Variants in SLC8A1 observed in about 807,000 individuals in gnomAD.
SLC8A1 encodes the protein sodium/calcium exchanger 1.
In SLC8A1, 18 loss-of-function variants were observed where a neutral mutation model predicts 68.3. The ratio of observed to expected loss-of-function variants is 0.26; its 90% confidence interval spans 0.18 to 0.39. The LOEUF (loss-of-function observed/expected upper bound fraction) is 0.39, where lower values mean the gene tolerates loss of function less well. SLC8A1 is among the 10% of genes least tolerant of loss of function. The pLI is 1.00. For synonymous variants in SLC8A1, 475 were observed against 415.5 expected, an observed-to-expected ratio of 1.14 and a Z score of -1.74; for missense variants, 985 against 1,156.7, an observed-to-expected ratio of 0.85 and a Z score of 2.15.
chr2:40,451,736 A>ACCACAC (rs1559735616), intron 1 of SLC8A1, among the ~76,000 whole-genome samples, 168 bp downstream of exon 1: 16 of 46,500 alleles, frequency 3.4e-4, no homozygotes, highest in African/African-American at 1.2e-3. Flanking sequence ...CACACACCAC[A>ACCACAC]TCACACACAC....
intron 2 of SLC8A1, among the ~76,000 whole-genome samples, chr2:40,264,238 T>G (rs4952601): frequency 0.54 from 79,344 of 148,258 alleles, 22,701 homozygotes; most frequent in Non-Finnish European, 0.68. Flanking sequence ...AGGAACACTT[T>G]TACACTGTTG....
chr2:40,286,698 T>A (rs1399486749), intron 2 of SLC8A1, among the ~76,000 whole-genome samples: 1 of 152,184 alleles, frequency 6.6e-6, no homozygotes, highest in African/African-American at 2.4e-5. Context: ...TGGACAGCTA[T>A]ATTCACACAC....
intron 7 of SLC8A1, among the ~76,000 whole-genome samples, chr2:40,138,908 A>G (rs188430824): frequency 3.9e-5 from 6 of 152,310 alleles, no homozygotes; most frequent in Admixed American, 3.3e-4. Context: ...ATCAATGCCT[A>G]CTTTCTCTTT....
chr2:40,149,701 G>A (rs2043069717), intron 6 of SLC8A1, among the ~76,000 whole-genome samples: 1 of 152,136 alleles, frequency 6.6e-6, no homozygotes, highest in African/African-American at 2.4e-5. Context: ...TTGTAAATGG[G>A]TTCATGAGTA....
intron 2 of SLC8A1, among the ~76,000 whole-genome samples, chr2:40,277,679 A>G (rs1442057807): frequency 1.3e-5 from 2 of 151,484 alleles, no homozygotes; most frequent in Non-Finnish European, 2.9e-5. Context: ...TCAACAAATA[A>G]TGGCTGTAAT....
intron 1 of SLC8A1, among the ~76,000 whole-genome samples, chr2:40,493,883 C>G (rs966608146): frequency 2.0e-5 from 3 of 151,812 alleles, no homozygotes; most frequent in African/African-American, 7.3e-5. Context: ...CTTTTTCTCT[C>G]CCCAACATTC....
At chr2:40,381,702 G>T (rs1341015504) in intron 2 of SLC8A1, among the ~76,000 whole-genome samples, 2 of 151,558 alleles carry the variant, frequency 1.3e-5, no homozygotes, top group African/African-American at 4.8e-5. Flanking sequence ...TAAAACTTGA[G>T]AAAGTTACAT....
intron 2 of SLC8A1, among the ~76,000 whole-genome samples, chr2:40,396,553 AAC>A (rs1686951385): frequency 6.6e-6 from 1 of 152,052 alleles, no homozygotes; most frequent in African/African-American, 2.4e-5. Flanking sequence ...CACGCAACAC[AAC>A]ACTTTTTCAA....
At chr2:40,400,603 C>T (rs1343056832) in intron 2 of SLC8A1, among the ~76,000 whole-genome samples, 3 of 152,074 alleles carry the variant, frequency 2.0e-5, no homozygotes, top group East Asian at 3.9e-4. Flanking sequence ...GAGAAGCAGG[C>T]AGACAGGGAG....
intron 2 of SLC8A1, among the ~76,000 whole-genome samples, chr2:40,414,806 C>T (rs1460679273): frequency 6.6e-6 from 1 of 151,550 alleles, no homozygotes; most frequent in Non-Finnish European, 1.5e-5. Context: ...TTGGTTTATG[C>T]CTACAGATCA....
intron 2 of SLC8A1, among the ~76,000 whole-genome samples, chr2:40,315,828 T>A (rs1320753375): frequency 6.6e-6 from 1 of 152,160 alleles, no homozygotes; most frequent in East Asian, 1.9e-4. Flanking sequence ...CACATGGTGA[T>A]AATGTATTAA....
intron 2 of SLC8A1, among the ~76,000 whole-genome samples, chr2:40,190,085 C>T (rs548321725): frequency 6.6e-6 from 1 of 152,324 alleles, no homozygotes; most frequent in East Asian, 1.9e-4. Context: ...ATCCTGGCTA[C>T]CTCGCTAAGC....
chr2:40,362,304 T>C (rs1674861997), intron 2 of SLC8A1, among the ~76,000 whole-genome samples: 1 of 151,964 alleles, frequency 6.6e-6, no homozygotes, highest in Non-Finnish European at 1.5e-5. Context: ...AAAACTTAGA[T>C]AGATAGATTC....
chr2:40,146,772 C>A (rs1234566011), intron 6 of SLC8A1, among the ~76,000 whole-genome samples: 1 of 152,056 alleles, frequency 6.6e-6, no homozygotes, highest in Non-Finnish European at 1.5e-5. Context: ...GACTACTGGA[C>A]TGTTCTTGGA....
intron 2 of SLC8A1, among the ~76,000 whole-genome samples, chr2:40,234,665 C>T (rs1315400264): frequency 6.6e-6 from 1 of 152,156 alleles, no homozygotes; most frequent in African/African-American, 2.4e-5. Context: ...AGAGGGCATC[C>T]CTGTCTTGTG....
At chr2:40,127,570 G>A (rs2038402842) in intron 7 of SLC8A1, among the ~76,000 whole-genome samples, 1 of 152,174 alleles carries the variant, frequency 6.6e-6, no homozygotes, top group Non-Finnish European at 1.5e-5. Context: ...TATAACTCAG[G>A]AATCACAGGC....
intron 2 of SLC8A1, among the ~76,000 whole-genome samples, chr2:40,194,208 C>G (rs1480692050): frequency 2.0e-5 from 3 of 151,956 alleles, no homozygotes; most frequent in Admixed American, 6.6e-5. Context: ...TTTGGCAAGC[C>G]TTATGACAAA....
chr2:40,334,383 G>C (rs1665261401), intron 2 of SLC8A1, among the ~76,000 whole-genome samples: 1 of 152,080 alleles, frequency 6.6e-6, no homozygotes, highest in South Asian at 2.1e-4. Context: ...ATATAGACAT[G>C]ACTTAAGTGT....
At chr2:40,202,994 A>C (rs2054684985) in intron 2 of SLC8A1, among the ~76,000 whole-genome samples, 1 of 151,968 alleles carries the variant, frequency 6.6e-6, no homozygotes, top group South Asian at 2.1e-4. Context: ...GACTATGTTG[A>C]GGAACTCAGT....
Sources: gnomAD v4.1 joint callset for allele counts (sites outside exome capture counted in the v4.1 genomes callset) on GRCh38, gnomAD v4.1.1 for gene constraint, MANE v1.5 for transcripts, NCBI Gene and HGNC (gene_info 2026-07-23, HGNC 2026-07-21) for gene names.